The following ZNF273 variants were observed in gnomAD, a reference collection of about 807,000 sequenced individuals.
ZNF273 encodes zinc finger protein 273.
ZNF273 carries 11 observed loss-of-function variants against 14.9 expected under a neutral mutation model. The ratio of observed to expected loss-of-function variants is 0.74; its 90% confidence interval spans 0.46 to 1.22. The LOEUF (loss-of-function observed/expected upper bound fraction) is 1.22. Ranked by LOEUF, ZNF273 falls within the 50% of genes most tolerant of loss-of-function variation. The pLI is 0.00. For missense variants in ZNF273, 577 were observed against 660.6 expected, an observed-to-expected ratio of 0.87 and a Z score of 1.39; for synonymous variants, 199 against 223.9, an observed-to-expected ratio of 0.89 and a Z score of 0.99.
chr7:64,884,463 T>G (rs1791462391), downstream of ZNF273, among the ~76,000 whole-genome samples: 1 of 152,180 alleles, frequency 6.6e-6, no homozygotes, highest in Non-Finnish European at 1.5e-5. Context: ...AAACTCTCTC[T>G]CAACCTTATG....
At chr7:64,895,073 G>C (rs904561667) in intron 3 of ZNF273, among the ~76,000 whole-genome samples, 104 of 152,054 alleles carry the variant, frequency 6.8e-4, no homozygotes, top group African/African-American at 2.4e-3. Flanking sequence ...GGAGGCAGAG[G>C]TTGCAGTGAG....
chr7:64,891,197 C>T (rs760414977), downstream of ZNF273, among the ~76,000 whole-genome samples: 10 of 152,258 alleles, frequency 6.6e-5, no homozygotes, highest in Non-Finnish European at 1.2e-4. Context: ...TCAGTCACTC[C>T]GAGGCTGGAC....
At chr7:64,916,559 A>AAC (rs1554387369) in intron 1 of ZNF273, among the ~76,000 whole-genome samples, 13 of 150,034 alleles carry the variant, frequency 8.7e-5, no homozygotes, top group African/African-American at 3.2e-4. Flanking sequence ...AAAAAAAAAA[A>AAC]AAAAAACCAT....
At chr7:64,887,930 A>G (rs1042549566) in intron 1 of ZNF273, among the ~76,000 whole-genome samples, 6 of 151,996 alleles carry the variant, frequency 3.9e-5, no homozygotes, top group Admixed American at 1.3e-4. Context: ...CGAATCCAGA[A>G]CTTGCATCCT....
At chr7:64,892,369 A>G (rs1792088132), downstream of ZNF273, among the ~76,000 whole-genome samples, 1 of 148,780 alleles carries the variant, frequency 6.7e-6, no homozygotes, top group African/African-American at 2.6e-5. Context: ...CTTGGCTCAT[A>G]GTTAGTGCTC....
chr7:64,924,108 T>C (rs1794657065), intron 3 of ZNF273: 1 of 151,252 alleles, frequency 6.6e-6, no homozygotes, highest in Non-Finnish European at 1.5e-5. Context: ...TGCTAAAGAA[T>C]GTGGTTTAAT....
At chr7:64,923,654 A>G (rs536623195) in intron 3 of ZNF273, 110 of 243,894 alleles carry the variant, frequency 4.5e-4, no homozygotes, top group Non-Finnish European at 7.5e-4. Context: ...GTATTTTTAT[A>G]TTTCAGATCA....
At chr7:64,901,223 G>A (rs937002276), upstream of ZNF273, among the ~76,000 whole-genome samples, 2 of 152,000 alleles carry the variant, frequency 1.3e-5, no homozygotes, top group Non-Finnish European at 2.9e-5. Context: ...GGCTGGTCTC[G>A]AACTCCTGAC....
chr7:64,902,249 T>G (rs935931401), upstream of ZNF273, among the ~76,000 whole-genome samples: 15 of 151,832 alleles, frequency 9.9e-5, no homozygotes, highest in Admixed American at 9.8e-4. Context: ...AAAATTCACA[T>G]GTGGCTTACA....
chr7:64,895,274 T>C (rs1270593600), intron 3 of ZNF273, among the ~76,000 whole-genome samples: 1 of 152,260 alleles, frequency 6.6e-6, no homozygotes, highest in Admixed American at 6.5e-5. Flanking sequence ...TTATGATGTG[T>C]TCAAAAATTT....
At chr7:64,887,750 G>A (rs1024231419) in intron 1 of ZNF273, among the ~76,000 whole-genome samples, 5 of 151,026 alleles carry the variant, frequency 3.3e-5, no homozygotes, top group African/African-American at 1.2e-4. Flanking sequence ...TGCCCGCCTC[G>A]ACCTCCCAGA....
At chr7:64,890,219 T>TGAGAGA (rs1388713118), downstream of ZNF273, 32 of 24,690 alleles carry the variant, frequency 1.3e-3, 1 homozygote, top group South Asian at 0.033. Context: ...TGTGTGTGTG[T>TGAGAGA]GTGAGAGAGA....
At chr7:64,889,080 T>G, downstream of ZNF273, 1 of 985,908 alleles carries the variant, frequency 1.0e-6, no homozygotes, top group Non-Finnish European at 1.2e-6. This position sits in a 1 kb window ranked among gnomAD's most constrained non-coding sequence, Gnocchi z 4.2. Flanking sequence ...AGCGCAGCCG[T>G]TTTGCGGAAG....
chr7:64,900,251 T>C (rs1463198816), upstream of ZNF273, among the ~76,000 whole-genome samples: 4 of 152,002 alleles, frequency 2.6e-5, no homozygotes, highest in Admixed American at 2.0e-4. Flanking sequence ...CTCAGACTCC[T>C]GAGTAGCTGG....
At chr7:64,910,966 G>A (rs1361020348) in intron 1 of ZNF273, among the ~76,000 whole-genome samples, 2 of 151,404 alleles carry the variant, frequency 1.3e-5, no homozygotes, top group Non-Finnish European at 2.9e-5. Flanking sequence ...GGGTTTCGTC[G>A]TGTTGGCCAG....
intron 3 of ZNF273, among the ~76,000 whole-genome samples, chr7:64,921,594 T>C (rs1350951582): frequency 1.4e-5 from 2 of 144,024 alleles, no homozygotes; most frequent in African/African-American, 5.1e-5. Flanking sequence ...AATCTTTGCT[T>C]CATGCTAATG....
chr7:64,916,508 G>A (rs370059726), intron 1 of ZNF273, among the ~76,000 whole-genome samples: 46 of 135,512 alleles, frequency 3.4e-4, no homozygotes, highest in East Asian at 3.1e-3. Flanking sequence ...TCACACCATT[G>A]CACTCTAGCC....
At chr7:64,881,195 G>T (rs1022373882), downstream of ZNF273, among the ~76,000 whole-genome samples, 22 of 152,212 alleles carry the variant, frequency 1.4e-4, no homozygotes, top group Admixed American at 1.3e-4. Flanking sequence ...GCCAGCTCCC[G>T]ATTTCCGCAG....
chr7:64,932,224 T>A (rs1178644630), downstream of ZNF273, among the ~76,000 whole-genome samples: 9 of 146,768 alleles, frequency 6.1e-5, no homozygotes, highest in Non-Finnish European at 6.0e-5. Flanking sequence ...TAACTGTTTG[T>A]AAAAAAAAAA....
Sources: allele counts gnomAD v4.1 joint callset (sites outside exome capture counted in the v4.1 genomes callset), GRCh38; gene constraint gnomAD v4.1.1; non-coding constraint Gnocchi (gnomAD v3.1); transcripts MANE v1.5; gene names NCBI Gene and HGNC (gene_info 2026-07-23, HGNC 2026-07-21).